PCDHGA6: variants seen among roughly 807,000 people sequenced by gnomAD.
PCDHGA6 encodes the protein protocadherin gamma subfamily A, 6, also known as protocadherin gamma-A6.
PCDHGA6 carries 41 observed loss-of-function variants against 60.6 expected under a neutral mutation model. The ratio of observed to expected loss-of-function variants is 0.68; its 90% CI spans 0.53 to 0.88. The LOEUF is 0.88. Among genes scored for constraint, PCDHGA6 ranks in the 40% least tolerant of loss-of-function variants. PCDHGA6 has a pLI of 0.00. For missense variants in PCDHGA6, 1,312 were observed against 1,203.0 expected (o/e 1.09, Z -1.34); for synonymous variants, 594 against 524.4 (o/e 1.13, Z -1.81).
Position 141,490,345 on chromosome 5 carries a change from G to C in PCDHGA6, c.2425-4462G>C, listed in dbSNP as rs2099698831. On this transcript the variant is annotated intron_variant, in intron 1 of 3. Coordinates refer to ENST00000517434, the MANE Select transcript of PCDHGA6 (RefSeq NM_018919.3). This position sits in a 1 kb window ranked among gnomAD's most constrained non-coding sequence, Gnocchi z 5.4. ...AGAGAGCACACCAGTGGGCACAGTA[G>C]TGGGGTTGTTTAATGTGCGAGACCG... is the stretch of plus-strand genomic sequence containing the variant. 1 of 1,614,216 alleles carries C rather than the reference G, an allele frequency of 6.2e-7. No homozygotes were observed. Among genetic ancestry groups the C allele is most frequent in the Non-Finnish European group, 8.5e-7 (1 of 1,180,034 alleles).
chr5:141,433,361 ATCT>A, intron 1 of PCDHGA6: 2 of 297,578 alleles, frequency 6.7e-6, no homozygotes, highest in Non-Finnish European at 1.3e-5. Context: ...CTGTCTGCCT[ATCT>A]ATCTATCTAT....
chr5:141,389,303 G>A (rs773665051), intron 1 of PCDHGA6: 4 of 1,613,882 alleles, frequency 2.5e-6, no homozygotes, highest in Non-Finnish European at 3.4e-6. Context: ...CACAAGTCAG[G>A]GCTTCTGATC....
Position 141,421,318 on chromosome 5 carries a change from C to T in PCDHGA6, c.2424+44811C>T, listed in dbSNP as rs370020854. 5.6e-6 allele frequency: 9 copies of T among 1,613,824 alleles called. No homozygotes were observed. In the East Asian group the frequency reaches 2.0e-4, roughly 36 times the overall value. On this transcript the variant is annotated intron_variant, in intron 1 of 3. Coordinates refer to ENST00000517434, the MANE Select transcript of PCDHGA6 (RefSeq NM_018919.3). ...GACGCTGCGGGGGTTCCGGGCCAGG[C>T]AGATCCGATATTCGGTGCCAGAAGA...
chr5:141,417,658 G>C, intron 1 of PCDHGA6: 2 of 869,072 alleles, frequency 2.3e-6, no homozygotes, highest in Non-Finnish European at 1.7e-6. Context: ...TCTAGCCTGG[G>C]ATTCCCTGCG....
chr5:141,443,163 T>C (rs1054542792), intron 1 of PCDHGA6, among the ~76,000 whole-genome samples: 3 of 152,172 alleles, frequency 2.0e-5, no homozygotes, highest in Non-Finnish European at 4.4e-5. Context: ...TTTATTTCCC[T>C]ACCCATGTCC....
chr5:141,398,011 T>A lies in PCDHGA6; in HGVS notation c.2424+21504T>A, dbSNP rs531266866. On this transcript the variant is annotated intron_variant, in intron 1 of 3. Coordinates refer to ENST00000517434, the MANE Select transcript of PCDHGA6 (RefSeq NM_018919.3). ...CGCTTCCTCCTCGGAAAAAGAATCG[T>A]TTCCTAAACTGGAACTGGAACTAAA... The A allele has an allele frequency of 2.7e-5, 38 of 1,413,006 alleles. No homozygotes were observed. In the African/African-American group the frequency reaches 4.3e-4, roughly 16 times the overall value. 87.5% of individuals were successfully genotyped at this position (1,413,006 alleles called of 1,614,324 possible). A position where few individuals can be genotyped will look rare whatever the true frequency, so the allele number is the denominator to read the frequency against.
chr5:141,418,411 C>T, intron 1 of PCDHGA6: 1 of 1,613,986 alleles, frequency 6.2e-7, no homozygotes, highest in East Asian at 2.2e-5. Flanking sequence ...TGGAGAAAGA[C>T]AATCCTGATG....
Position 141,454,887 on chromosome 5 carries a change from T to C in PCDHGA6, c.2425-39920T>C, listed in dbSNP as rs1291501766. Among the ~76,000 whole-genome samples, 3 of 138,310 alleles carry C rather than the reference T, an allele frequency of 2.2e-5. No homozygotes were observed. The Admixed American group carries it at 2.3e-4, about 11-fold the overall frequency. 90.7% of individuals were successfully genotyped at this position (138,310 alleles called of 152,430 possible). A position where few individuals can be genotyped will look rare whatever the true frequency, so the allele number is the denominator to read the frequency against. ...CAGTGGCACGATCTTGGCTCACTGC[T>C]AGCACCGCCTCCCGGGTTCACGCCA... On this transcript the variant is annotated intron_variant, in intron 1 of 3. Coordinates refer to ENST00000517434, the MANE Select transcript of PCDHGA6 (RefSeq NM_018919.3).
rs1444171664 is a variant in PCDHGA6, at chr5:141,477,015, T to G, written c.2425-17792T>G. The G allele has an allele frequency of 1.2e-6, 2 of 1,614,210 alleles. No homozygotes were observed. Among genetic ancestry groups the G allele is most frequent in the Non-Finnish European group, 1.7e-6 (2 of 1,180,038 alleles). On this transcript the variant is annotated intron_variant, in intron 1 of 3. Coordinates refer to ENST00000517434, the MANE Select transcript of PCDHGA6 (RefSeq NM_018919.3). This position sits in a 1 kb window ranked among gnomAD's most constrained non-coding sequence, Gnocchi z 4.9. ...CGGCAACTATTCGCCTTAGACCTTG[T>G]AACCGGGATGCTGACAATCAAGGGT...
intron 2 of PCDHGA6, among the ~76,000 whole-genome samples, chr5:141,498,976 GGAAGGAAGGAAGGAA>G (rs1562186940): frequency 1.5e-4 from 2 of 13,010 alleles, no homozygotes; most frequent in Admixed American, 2.9e-3. Context: ...AGGGAGGGAA[GGAAGGAAGGAAGGAA>G]GGAAGGAAGG....
chr5:141,390,544 G>A, intron 1 of PCDHGA6: 1 of 505,664 alleles, frequency 2.0e-6, no homozygotes, highest in Non-Finnish European at 3.5e-6. Flanking sequence ...ACCACAAAGT[G>A]AAAGTGTTAG....
Position 141,487,562 on chromosome 5 carries a change from G to C in PCDHGA6, c.2425-7245G>C. The stretch of plus-strand genomic sequence containing the variant: ...GAAGTCACCCAGTGCACCTATGGCA[G>C]GGGAGCCTGTTCGCCCAAGCTGCCC... On this transcript the variant is annotated intron_variant, in intron 1 of 3. Coordinates refer to ENST00000517434, the MANE Select transcript of PCDHGA6 (RefSeq NM_018919.3). The surrounding 1 kb of genome is among the most constrained non-coding windows in gnomAD (Gnocchi z 5.0). The C allele has an allele frequency of 6.2e-7, 1 of 1,614,178 alleles. No homozygotes were observed.
At chr5:141,434,693 T>C (rs2097710124) in intron 1 of PCDHGA6, among the ~76,000 whole-genome samples, 1 of 152,034 alleles carries the variant, frequency 6.6e-6, no homozygotes, top group Non-Finnish European at 1.5e-5. Context: ...TTGCTGTTAA[T>C]AAATATGTGG....
rs142628885 is a variant in PCDHGA6 at position 141,404,093 on chromosome 5, C to T, written c.2424+27586C>T. ...TGACCGAGACTCCGGGAAGAATGGT[C>T]AAGTTGTCTGTTCTATCCAGGAGAA... On this transcript the variant is annotated intron_variant, in intron 1 of 3. Coordinates refer to ENST00000517434, the MANE Select transcript of PCDHGA6 (RefSeq NM_018919.3). The T allele has an allele frequency of 9.4e-5, 152 of 1,613,326 alleles. 2 individuals carry two copies. In the East Asian group the frequency reaches 3.4e-3, roughly 36 times the overall value.
intron 1 of PCDHGA6, among the ~76,000 whole-genome samples, chr5:141,454,239 A>T (rs1221886368): frequency 6.6e-6 from 1 of 152,200 alleles, no homozygotes; most frequent in Non-Finnish European, 1.5e-5. Context: ...GATGAAAAGG[A>T]TGAAGATGTC....
At chr5:141,471,361 CT>C (rs2099255928) in intron 1 of PCDHGA6, 1 of 151,976 alleles carries the variant, frequency 6.6e-6, no homozygotes, top group Non-Finnish European at 1.5e-5. Flanking sequence ...TCCAAGCCCC[CT>C]ATTTTTATTT....
At chr5:141,394,021 GA>G (rs2092902279) in intron 1 of PCDHGA6, 1 of 1,613,362 alleles carries the variant, frequency 6.2e-7, no homozygotes, top group Non-Finnish European at 8.5e-7. Context: ...AATTATTATA[GA>G]TTAGTGACAA....
At chr5:141,419,190 A>G in intron 1 of PCDHGA6, 1 of 1,613,930 alleles carries the variant, frequency 6.2e-7, no homozygotes, top group South Asian at 1.1e-5. Flanking sequence ...CACATTACTG[A>G]CGTCAATGAC....
chr5:141,383,440 G>A, intron 1 of PCDHGA6: 1 of 1,613,950 alleles, frequency 6.2e-7, no homozygotes, highest in Non-Finnish European at 8.5e-7. Context: ...CTTCTCCCTG[G>A]CTGTGCAAAG....
Sources: allele counts gnomAD v4.1 joint callset (sites outside exome capture counted in the v4.1 genomes callset), GRCh38; gene constraint gnomAD v4.1.1; non-coding constraint Gnocchi (gnomAD v3.1); transcripts MANE v1.5; gene names NCBI Gene and HGNC (gene_info 2026-07-23, HGNC 2026-07-21).